The following FGF14 variants were observed in gnomAD, a reference collection of about 807,000 sequenced individuals.
The protein encoded by FGF14 is fibroblast growth factor 14.
FGF14 carries 5 observed loss-of-function variants against 25.5 expected under a neutral mutation model. The ratio of observed to expected loss-of-function variants is 0.20; its 90% CI spans 0.10 to 0.41. FGF14 has a LOEUF of 0.41. FGF14 is among the 10% of genes least tolerant of loss of function. The pLI is 1.00. For synonymous variants in FGF14, 138 were observed against 118.3 expected, an observed-to-expected ratio of 1.17 and a Z score of -1.08; for missense variants, 222 against 320.1, an observed-to-expected ratio of 0.69 and a Z score of 2.34.
At chr13:101,898,452 AT>A (rs1250919585) in intron 1 of FGF14, among the ~76,000 whole-genome samples, 3 of 152,014 alleles carry the variant, frequency 2.0e-5, no homozygotes, top group African/African-American at 2.4e-5. Flanking sequence ...TGGAATATGG[AT>A]TTACTCAGTG....
At chr13:101,974,778 C>A (rs562954978) in intron 1 of FGF14, among the ~76,000 whole-genome samples, 4 of 152,238 alleles carry the variant, frequency 2.6e-5, no homozygotes, top group Admixed American at 6.5e-5. Flanking sequence ...AAGAATTTTT[C>A]TTTGGATAAT....
intron 1 of FGF14, among the ~76,000 whole-genome samples, chr13:102,231,997 C>G (rs143324608): frequency 2.6e-5 from 4 of 152,302 alleles, no homozygotes; most frequent in East Asian, 3.9e-4. Context: ...AAAGTGCAAA[C>G]TATATTAGAG....
intron 3 of FGF14, among the ~76,000 whole-genome samples, chr13:101,794,892 T>C (rs943753157): frequency 2.2e-4 from 34 of 152,190 alleles, no homozygotes; most frequent in African/African-American, 7.7e-4. Flanking sequence ...ATTGACTTTA[T>C]ATGAAAAAAT....
upstream of FGF14, among the ~76,000 whole-genome samples, chr13:101,921,045 T>TG (rs1169032013): frequency 1.4e-5 from 2 of 145,198 alleles, no homozygotes; most frequent in African/African-American, 2.7e-5. Flanking sequence ...TCTATTGCCC[T>TG]ATCCTCACAC....
intron 1 of FGF14, among the ~76,000 whole-genome samples, chr13:101,995,122 T>C (rs761485767): frequency 6.6e-6 from 1 of 152,168 alleles, no homozygotes. Flanking sequence ...ATGTCTGTTA[T>C]CAATCGTTAT....
At chr13:101,986,983 C>T (rs2038621406) in intron 1 of FGF14, among the ~76,000 whole-genome samples, 2 of 151,486 alleles carry the variant, frequency 1.3e-5, no homozygotes, top group African/African-American at 4.8e-5. Context: ...TCATGAATTT[C>T]TATCAGCTCC....
Position 101,875,222 on chromosome 13 carries a change from C to T in FGF14, c.268G>A (p.Ala90Thr). ...GYYLQMHPDG[A>T]LDGTKDDSTN... ...CTGTCATCCTTGGTTCCATCGAGAG[C>T]TCCATCGGGGTGCATTTGCAAGTAG... The change falls in exon 2 of 5, where the codon GCT becomes ACT. Residue 90 changes from alanine to threonine, a missense_variant. This residue lies in a region of FGF14 where 50 missense variants were observed against 75.2 expected (regional missense o/e 0.66). Coordinates refer to ENST00000376143, the MANE Select transcript of FGF14 (RefSeq NM_004115.4). 6.2e-7 allele frequency: 1 copy of T among 1,613,466 alleles called. No homozygotes were observed. The highest frequency in any genetic ancestry group is 8.5e-7 in the Non-Finnish European group (1 of 1,179,508).
chr13:102,398,117 C>A (rs1368061595), intron 1 of FGF14, among the ~76,000 whole-genome samples: 1 of 151,582 alleles, frequency 6.6e-6, no homozygotes, highest in East Asian at 1.9e-4. Context: ...ATATCCAGGA[C>A]TTTTAAGCTA....
chr13:102,166,308 T>C (rs1344338351), intron 1 of FGF14, among the ~76,000 whole-genome samples: 1 of 152,132 alleles, frequency 6.6e-6, no homozygotes, highest in Non-Finnish European at 1.5e-5. Context: ...ACGAAATTTA[T>C]AAATTTCGTA....
At chr13:102,307,705 A>G (rs1490966521) in intron 1 of FGF14, among the ~76,000 whole-genome samples, 3 of 152,150 alleles carry the variant, frequency 2.0e-5, no homozygotes, top group Admixed American at 2.0e-4. Context: ...TCATGTATTA[A>G]TTCATTTAAT....
intron 1 of FGF14, among the ~76,000 whole-genome samples, chr13:102,095,962 A>G (rs993183397): frequency 1.4e-5 from 2 of 146,162 alleles, no homozygotes; most frequent in Admixed American, 7.1e-5. Flanking sequence ...TCAACTGTAC[A>G]TATTTAAATA....
intron 1 of FGF14, among the ~76,000 whole-genome samples, chr13:102,112,290 C>T (rs1164411345): frequency 2.6e-5 from 4 of 152,110 alleles, no homozygotes; most frequent in Middle Eastern, 3.2e-3. Context: ...ACCGTGCTAC[C>T]GCAGCTAGAC....
At chr13:102,003,665 C>CTTT (rs111575262) in intron 1 of FGF14, among the ~76,000 whole-genome samples, 5 of 134,748 alleles carry the variant, frequency 3.7e-5, no homozygotes, top group East Asian at 4.3e-4. Context: ...AAGGGGTTAG[C>CTTT]TTTTTTTTTT....
chr13:101,896,490 T>C (rs995410387), intron 1 of FGF14, among the ~76,000 whole-genome samples: 2 of 152,160 alleles, frequency 1.3e-5, no homozygotes, highest in Admixed American at 1.3e-4. Flanking sequence ...GATTTTCTCA[T>C]AGTGTGACTC....
chr13:102,391,073 G>A (rs1439921101), intron 1 of FGF14, among the ~76,000 whole-genome samples: 1 of 152,164 alleles, frequency 6.6e-6, no homozygotes, highest in Non-Finnish European at 1.5e-5. Context: ...TTTTCCTAAT[G>A]TAATGAATGT....
At chr13:101,781,202 A>G (rs1277771538) in intron 3 of FGF14, among the ~76,000 whole-genome samples, 1 of 152,178 alleles carries the variant, frequency 6.6e-6, no homozygotes, top group Admixed American at 6.5e-5. Context: ...TACATCTGAA[A>G]TAGAGCCTTC....
At position 101,827,811 on chromosome 13, in the gene FGF14, G is replaced by A. The variant is rs557834287; in HGVS notation, c.408+40914C>T. On this transcript the variant is annotated intron_variant, in intron 3 of 4. Transcript: ENST00000376143. Reference sequence around the variant, plus strand: ...ACTTTAGTTTCATTAATTGAATCATGCCAACATAGATCTTTATTACCATAA... The same window carrying A: ...ACTTTAGTTTCATTAATTGAATCATACCAACATAGATCTTTATTACCATAA... Among the ~76,000 whole-genome samples the A allele has an allele frequency of 6.6e-5, 10 of 151,326 alleles. 1 individual carries two copies. In the South Asian group the frequency reaches 2.1e-3, roughly 32 times the overall value.
intron 1 of FGF14, among the ~76,000 whole-genome samples, chr13:102,209,589 A>G (rs1216887151): frequency 6.6e-6 from 1 of 152,172 alleles, no homozygotes; most frequent in Non-Finnish European, 1.5e-5. Flanking sequence ...GCAATTCTCC[A>G]GTGAGAGGCA....
At chr13:101,986,096 T>C (rs1448379148) in intron 1 of FGF14, among the ~76,000 whole-genome samples, 8 of 152,136 alleles carry the variant, frequency 5.3e-5, no homozygotes, top group Non-Finnish European at 5.9e-5. Flanking sequence ...TAAGGATGCT[T>C]ATTTGTTTGT....
Sources: gnomAD v4.1 joint callset for allele counts (sites outside exome capture counted in the v4.1 genomes callset) on GRCh38, gnomAD v4.1.1 for gene constraint, gnomAD v4.1.1 regional missense constraint, MANE v1.5 for transcripts, NCBI Gene and HGNC (gene_info 2026-07-23, HGNC 2026-07-21) for gene names.